RYR2: variants seen among roughly 807,000 people sequenced by gnomAD.
The protein encoded by RYR2 is cardiac muscle ryanodine receptor-calcium release channel.
RYR2 carries 227 observed loss-of-function variants against 601.1 expected under a neutral mutation model. That is an observed-to-expected ratio of 0.38 (90% CI 0.34 to 0.42). RYR2 has a LOEUF of 0.42. Among genes scored for constraint, RYR2 ranks in the 10% least tolerant of loss-of-function variants. The probability of loss-of-function intolerance (pLI) is 1.00; values close to 1 mark genes in which losing one functional copy is unlikely to be tolerated. For synonymous variants in RYR2, 2,223 were observed against 2,175.1 expected, an observed-to-expected ratio of 1.02 and a Z score of -0.61; for missense variants, 4,646 against 6,156.5, an observed-to-expected ratio of 0.75 and a Z score of 8.21.
At chr1:237,597,490 C>T (rs1328669588) in intron 34 of RYR2, among the ~76,000 whole-genome samples, 1 of 151,590 alleles carries the variant, frequency 6.6e-6, no homozygotes, top group Non-Finnish European at 1.5e-5. Context: ...CGATGTTGGC[C>T]AGGATGGTCT....
intron 1 of RYR2, among the ~76,000 whole-genome samples, chr1:237,246,586 A>G (rs1488492815): frequency 1.3e-5 from 2 of 152,124 alleles, no homozygotes; most frequent in East Asian, 1.9e-4. Flanking sequence ...ACAGGCATGC[A>G]CAACTGCACC....
intron 1 of RYR2, among the ~76,000 whole-genome samples, chr1:237,105,080 C>T (rs1019806076): frequency 6.6e-6 from 1 of 152,226 alleles, no homozygotes; most frequent in Admixed American, 6.5e-5. Flanking sequence ...AGTCCTCCCC[C>T]TTCCTGACAT....
chr1:237,582,482 C>T (rs4415553), intron 29 of RYR2, among the ~76,000 whole-genome samples: 47,111 of 151,532 alleles, frequency 0.31, 7,563 homozygotes, highest in Middle Eastern at 0.43. Context: ...AGGTTTGTTG[C>T]CTGGGTATAT....
At chr1:237,748,538 G>T (rs565002559) in intron 80 of RYR2, among the ~76,000 whole-genome samples, 9 of 152,252 alleles carry the variant, frequency 5.9e-5, no homozygotes, top group Non-Finnish European at 1.2e-4. Context: ...GTAGCAGCTG[G>T]CTTTCATAAG....
At chr1:237,386,092 T>C (rs945424755) in intron 8 of RYR2, among the ~76,000 whole-genome samples, 1 of 152,038 alleles carries the variant, frequency 6.6e-6, no homozygotes, top group African/African-American at 2.4e-5. Context: ...AAAGAAGAAA[T>C]TGTACAAAAG....
In RYR2 at chr1:237,660,815, A is replaced by G. The variant is rs1683712147; in HGVS notation, c.8304A>G (p.Lys2768=). 3 of 1,541,440 alleles carry G rather than the reference A, an allele frequency of 1.9e-6. No homozygotes were observed. The highest frequency in any genetic ancestry group is 4.0e-5 in the Admixed American group (2 of 50,420). The part of the protein sequence containing the change: ...KPYKLLSEKE[K]EIYRWPIKES... ...TCTTGTTTTTTCTTCTCTAGGAAAAAGAAATTTATCGCTGGCCAATCAAAG... is the reference window on the plus strand; with the variant it reads ...TCTTGTTTTTTCTTCTCTAGGAAAAGGAAATTTATCGCTGGCCAATCAAAG... Residue 2768 remains lysine (K), a synonymous_variant, in exon 56 of 105, where the codon AAA becomes AAG. Transcript: ENST00000366574.
In RYR2 at chr1:237,694,008, A is replaced by G. The variant is rs115888615; in HGVS notation, c.9068-4957A>G. 9.5e-3 allele frequency among the ~76,000 whole-genome samples: 1,445 copies of G among 152,296 alleles called. 16 individuals are homozygous for G. The highest frequency in any genetic ancestry group is 0.058 in the South Asian group (281 of 4,824). On this transcript the variant is annotated intron_variant, in intron 63 of 104. Transcript: ENST00000366574. ...TGGTAGGACACATATAATAAAAGAA[A>G]AATTGGCCGGGTGCGGTGGCTCACG...
chr1:237,449,352 C>T (rs936321021), intron 14 of RYR2, among the ~76,000 whole-genome samples: 1 of 152,084 alleles, frequency 6.6e-6, no homozygotes, highest in Admixed American at 6.6e-5. Flanking sequence ...TTGCCACAGT[C>T]TACCTTTAAT....
At chr1:237,122,458 G>C (rs568378159) in intron 1 of RYR2, among the ~76,000 whole-genome samples, 108 of 152,318 alleles carry the variant, frequency 7.1e-4, no homozygotes, top group African/African-American at 2.4e-3. Flanking sequence ...GAGGCGGGGG[G>C]ATCACTTGAG....
intron 46 of RYR2, 105 bp from the exon 47 acceptor site, chr1:237,640,792 A>G: frequency 1.2e-6 from 1 of 867,714 alleles, no homozygotes; most frequent in South Asian, 1.5e-5. Context: ...ATATCAGAAA[A>G]ATAATGTGTT....
intron 28 of RYR2, among the ~76,000 whole-genome samples, chr1:237,568,108 C>T (rs1157943710): frequency 6.6e-6 from 1 of 152,066 alleles, no homozygotes; most frequent in Non-Finnish European, 1.5e-5. Flanking sequence ...GTTAAAATAA[C>T]CTTTACTCCC....
chr1:237,265,873 G>A (rs999663237), intron 1 of RYR2, among the ~76,000 whole-genome samples: 2 of 152,172 alleles, frequency 1.3e-5, no homozygotes, highest in Non-Finnish European at 2.9e-5. Flanking sequence ...CACAGGACTT[G>A]GTAACTCCAA....
chr1:237,763,601 T>C (rs2149285580), intron 84 of RYR2, among the ~76,000 whole-genome samples: 1 of 152,286 alleles, frequency 6.6e-6, no homozygotes, highest in South Asian at 2.1e-4. Context: ...TAATTCAAAG[T>C]AGTTTCTGAA....
At chr1:237,448,472 TC>T (rs1657661887) in intron 14 of RYR2, among the ~76,000 whole-genome samples, 1 of 152,194 alleles carries the variant, frequency 6.6e-6, no homozygotes, top group African/African-American at 2.4e-5. Flanking sequence ...ATGTGCATTC[TC>T]CTCTTGTTGG....
intron 1 of RYR2, among the ~76,000 whole-genome samples, chr1:237,060,592 T>TAAGG (rs1447333778): frequency 6.6e-6 from 1 of 152,190 alleles, no homozygotes; most frequent in Non-Finnish European, 1.5e-5. Flanking sequence ...TTTCCAAAGG[T>TAAGG]TACTACTCTA....
intron 72 of RYR2, 95 bp downstream of exon 72, chr1:237,717,463 A>G: frequency 9.7e-7 from 1 of 1,035,842 alleles, no homozygotes; most frequent in Non-Finnish European, 1.3e-6. Flanking sequence ...TCAATATTTC[A>G]TTTGCATTAC....
At chr1:237,277,541 G>A (rs921110592) in intron 2 of RYR2, among the ~76,000 whole-genome samples, 10 of 152,308 alleles carry the variant, frequency 6.6e-5, no homozygotes, top group African/African-American at 2.4e-4. Context: ...AATCCATAAT[G>A]TAGCAGGTTA....
chr1:237,247,907 G>A (rs1481184233), intron 1 of RYR2, among the ~76,000 whole-genome samples: 2 of 152,138 alleles, frequency 1.3e-5, no homozygotes, highest in African/African-American at 4.8e-5. Context: ...CAGAGTTTCT[G>A]TCCATGCTGG....
At chr1:237,266,656 C>T (rs946846926) in intron 1 of RYR2, among the ~76,000 whole-genome samples, 2 of 152,300 alleles carry the variant, frequency 1.3e-5, no homozygotes, top group Admixed American at 1.3e-4. Context: ...CTTTTGATTA[C>T]TGGAAAGTAA....
Sources: allele counts gnomAD v4.1 joint callset (sites outside exome capture counted in the v4.1 genomes callset), GRCh38; gene constraint gnomAD v4.1.1; transcripts MANE v1.5; gene names NCBI Gene and HGNC (gene_info 2026-07-23, HGNC 2026-07-21).